ZNF749: variants seen among roughly 807,000 people sequenced by gnomAD.
The protein encoded by ZNF749 is zinc finger protein 749.
Under a neutral mutation model 7.3 loss-of-function variants are expected in ZNF749, and 8 were observed. The observed-to-expected ratio is 1.10, with a 90% CI of 0.64 to 1.98. The LOEUF (loss-of-function observed/expected upper bound fraction) is 1.98, where lower values mean the gene tolerates loss of function less well. ZNF749 is among the 30% of genes most tolerant of loss of function. The pLI is 0.00. For missense variants in ZNF749, 898 were observed against 932.4 expected (o/e 0.96, Z 0.48); for synonymous variants, 310 against 322.4 (o/e 0.96, Z 0.41).
At position 57,439,703 on chromosome 19, in the gene ZNF749, G is replaced by A. The variant is rs989155412; in HGVS notation, c.16-2182G>A. ...GCCTGGGAAGTAAAGGCTGCAGTGA[G>A]CCATGATTGTGCCCCTGCACTCCAG... On this transcript the variant is annotated intron_variant, in intron 1 of 2. Transcript: ENST00000334181. This position sits in a 1 kb window ranked among gnomAD's most constrained non-coding sequence, Gnocchi z 4.3. Among the ~76,000 whole-genome samples the A allele has an allele frequency of 5.9e-5, 9 of 152,204 alleles. No individual in the cohort carries two copies. The highest frequency in any genetic ancestry group is 2.2e-4 in the African/African-American group (9 of 41,456).
At chr19:57,435,277 T>C (rs114254422), upstream of ZNF749, 1,820 of 529,058 alleles carry the variant, frequency 3.4e-3, 33 homozygotes, top group African/African-American at 0.032. Context: ...AGTGTAGCCA[T>C]TGGTCTAGCA....
upstream of ZNF749, among the ~76,000 whole-genome samples, chr19:57,431,910 C>A (rs1377660606): frequency 6.6e-6 from 1 of 152,152 alleles, no homozygotes; most frequent in Non-Finnish European, 1.5e-5. Flanking sequence ...GCAACCTCTG[C>A]CTCCTGGATT....
chr19:57,437,508 G>A (rs562432493), intron 1 of ZNF749, among the ~76,000 whole-genome samples: 201 of 152,078 alleles, frequency 1.3e-3, no homozygotes, highest in Middle Eastern at 3.4e-3. Context: ...GGCGGATCAC[G>A]AGGTCAGGAG....
Position 57,443,826 on chromosome 19 carries a change from C to G in ZNF749, c.678C>G (p.Phe226Leu). 1 of 1,614,138 alleles carries G rather than the reference C, an allele frequency of 6.2e-7. No homozygotes were observed. Among genetic ancestry groups the G allele is most frequent in the Non-Finnish European group, 8.5e-7 (1 of 1,180,028 alleles). ...KTHNGERPYE[F>L]SECGELFRYN... ...ATAATGGGGAGAGGCCTTATGAGTT[C>G]AGTGAATGTGGGGAATTGTTTAGGT... The change falls in exon 3 of 3, where the codon TTC becomes TTG. Residue 226 changes from phenylalanine (F) to leucine (L), a missense_variant. Coordinates refer to ENST00000334181, the MANE Select transcript of ZNF749 (RefSeq NM_001023561.4).
In ZNF749 at chr19:57,443,490, T is replaced by G. The variant is rs552111849; in HGVS notation, c.342T>G (p.Cys114Trp). ...GTHPEQGLYT[C>W]AAEHDLHQKE... ...ACCCTGAGCAAGGGCTGTACACATG[T>G]GCAGCAGAGCATGACCTGCACCAAA... is the stretch of plus-strand genomic sequence containing the variant. The change falls in exon 3 of 3, where the codon TGT (cysteine) becomes TGG (tryptophan). Residue 114 changes from cysteine (C) to tryptophan (W), a missense_variant. Coordinates refer to ENST00000334181, the MANE Select transcript of ZNF749 (RefSeq NM_001023561.4). The G allele has an allele frequency of 9.3e-6, 15 of 1,614,192 alleles. No individual in the cohort carries two copies. The highest frequency in any genetic ancestry group is 1.2e-5 in the Non-Finnish European group (14 of 1,179,996).
At chr19:57,434,820 CAA>C (rs934585224), upstream of ZNF749, among the ~76,000 whole-genome samples, 3 of 151,914 alleles carry the variant, frequency 2.0e-5, no homozygotes, top group Non-Finnish European at 4.4e-5. Context: ...CACTAACGAT[CAA>C]AAAAAAGTCT....
At position 57,442,096 on chromosome 19, in the gene ZNF749, C is replaced by T; in HGVS notation, c.142+85C>T. ...CATGACAACTCTGTCTTTCCCACAC[C>T]AGATTGTGAGTGCTACGTCCTGTCC... On this transcript the variant is annotated intron_variant, in intron 2 of 2. Coordinates refer to ENST00000334181, the MANE Select transcript of ZNF749 (RefSeq NM_001023561.4). This position sits in a 1 kb window ranked among gnomAD's most constrained non-coding sequence, Gnocchi z 6.6. 1 of 1,545,080 alleles carries T rather than the reference C, an allele frequency of 6.5e-7. No individual in the cohort carries two copies. The highest frequency in any genetic ancestry group is 8.8e-7 in the Non-Finnish European group (1 of 1,136,980).
rs1047489847 is a variant in ZNF749, at chr19:57,444,040, T to C, written c.892T>C (p.Tyr298His). ...GGAGATTCTCAGTAGACCAACACCT[T>C]ATGAATGCACCCAGTGTGGGAAGGC... ...HQEILSRPTP[Y>H]ECTQCGKAFL... is the part of the protein sequence containing the mutation. Residue 298 changes from tyrosine to histidine, a missense_variant, in exon 3 of 3, where the codon TAT (tyrosine) becomes CAT (histidine). By Grantham distance (83) the Tyr-to-His change is moderately conservative. Coordinates refer to ENST00000334181, the MANE Select transcript of ZNF749 (RefSeq NM_001023561.4). 1.9e-6 allele frequency: 3 copies of C among 1,613,782 alleles called. No homozygotes were observed. In the African/African-American group the frequency reaches 4.0e-5, roughly 22 times the overall value.
rs1267384068 is a variant in ZNF749 at position 57,436,412 on chromosome 19, G to C, written c.15+819G>C. On this transcript the variant is annotated intron_variant, in intron 1 of 2. Transcript: ENST00000334181. This position sits in a 1 kb window ranked among gnomAD's most constrained non-coding sequence, Gnocchi z 4.0. ...GTTTTTTCATATGGGCTGAGGTAGG[G>C]GAGGGCTCAGATTTGGAGGAAAGAC... is the stretch of plus-strand genomic sequence containing the variant. 6.6e-6 allele frequency among the ~76,000 whole-genome samples: 1 copy of C among 152,140 alleles called. No homozygotes were observed. The highest frequency in any genetic ancestry group is 2.4e-5 in the African/African-American group (1 of 41,440).
chr19:57,434,917 G>A (rs1276804553), upstream of ZNF749, among the ~76,000 whole-genome samples: 1 of 152,216 alleles, frequency 6.6e-6, no homozygotes, highest in African/African-American at 2.4e-5. Flanking sequence ...GGTCAGCCAT[G>A]TCGCTTCTGA....
Position 57,444,067 on chromosome 19 carries a change from TTTC to T in ZNF749, c.922_924del (p.Leu308del), listed in dbSNP as rs761488390. 6 of 1,613,902 alleles carry T rather than the reference TTTC, an allele frequency of 3.7e-6. No homozygotes were observed. In the Admixed American group the frequency reaches 8.3e-5, roughly 22 times the overall value. On this transcript the variant is annotated inframe_deletion, in exon 3 of 3. Transcript: ENST00000334181. Reference sequence around the variant, plus strand: ...TGAATGCACCCAGTGTGGGAAGGCCTTTCTTACACAGGCTCATCTGGTTGGTCA... The same window carrying T: ...TGAATGCACCCAGTGTGGGAAGGCCTTTACACAGGCTCATCTGGTTGGTCA...
rs1406513163 is a variant in ZNF749, at chr19:57,435,547, C to T, written c.-32C>T. The T allele has an allele frequency of 1.2e-6, 2 of 1,600,330 alleles. No homozygotes were observed. Among genetic ancestry groups the T allele is most frequent in the Non-Finnish European group, 1.7e-6 (2 of 1,175,138 alleles). On this transcript the variant is annotated 5_prime_UTR_variant, in exon 1 of 3. Coordinates refer to ENST00000334181, the MANE Select transcript of ZNF749 (RefSeq NM_001023561.4). ...AGGTGACCGCCGTTCCCGCCCCGCT[C>T]TTCCCTGGGTGGACTGGAGGAGGCC...
At chr19:57,430,569 T>C (rs940333910), upstream of ZNF749, among the ~76,000 whole-genome samples, 3 of 152,210 alleles carry the variant, frequency 2.0e-5, no homozygotes, top group African/African-American at 7.2e-5. Context: ...TTTAGAGAAA[T>C]CTTTAGTTGC....
rs560067293 is a variant in ZNF749, at chr19:57,444,938, AC to A, written c.1791del (p.Tyr597Ter). 3.6e-4 allele frequency: 585 copies of A among 1,613,688 alleles called. 6 individuals are homozygous for A. In the South Asian group the frequency reaches 4.1e-3, roughly 11 times the overall value. On this transcript the variant is annotated frameshift_variant, in exon 3 of 3. Coordinates refer to ENST00000334181, the MANE Select transcript of ZNF749 (RefSeq NM_001023561.4). LOFTEE classifies it low-confidence loss of function (END_TRUNC). The stretch of plus-strand genomic sequence containing the variant: ...TGTGGGAAATTCTTTTTGGACAGCT[AC>A]AAACTTGTTATTCATCAGAGAATTC... ...NECGKFFLDS[Y>X]KLVIHQRIHT...
rs2089006393 is a variant in ZNF749 at position 57,442,861 on chromosome 19, TCCA to T, written c.143-426_143-424del. Reference sequence around the variant, plus strand: ...ACCCCTCCTCTCCAGCCTTCATCTCTCCACCATTCTCTTCCACCTCTCCCTTTG... The same window carrying T: ...ACCCCTCCTCTCCAGCCTTCATCTCTCCATTCTCTTCCACCTCTCCCTTTG... On this transcript the variant is annotated intron_variant, in intron 2 of 2. Coordinates refer to ENST00000334181, the MANE Select transcript of ZNF749 (RefSeq NM_001023561.4). The surrounding 1 kb of genome is among the most constrained non-coding windows in gnomAD (Gnocchi z 6.6). Among the ~76,000 whole-genome samples the T allele has an allele frequency of 6.6e-6, 1 of 152,160 alleles. No homozygotes were observed. The highest frequency in any genetic ancestry group is 6.5e-5 in the Admixed American group (1 of 15,278).
chr19:57,429,661 A>AT, the ZNF749 span, among the ~76,000 whole-genome samples: 1 of 151,606 alleles, frequency 6.6e-6, no homozygotes, highest in South Asian at 2.1e-4. The surrounding 1 kb of genome is among the most constrained non-coding windows in gnomAD (Gnocchi z 4.2). Flanking sequence ...TTTATTTTTT[A>AT]TTTTTTGAGG....
At chr19:57,440,730 G>C (rs530024211) in intron 1 of ZNF749, among the ~76,000 whole-genome samples, 5 of 152,080 alleles carry the variant, frequency 3.3e-5, no homozygotes, top group African/African-American at 1.2e-4. Context: ...GCATGAATGC[G>C]TGGTCCCAGC....
chr19:57,432,296 C>T (rs187932036), upstream of ZNF749, among the ~76,000 whole-genome samples: 1 of 149,834 alleles, frequency 6.7e-6, no homozygotes, highest in African/African-American at 2.4e-5. Context: ...AAAAAGGAGG[C>T]GGGGCGCGGT....
chr19:57,441,248 C>T (rs928268278), intron 1 of ZNF749, among the ~76,000 whole-genome samples: 6 of 151,712 alleles, frequency 4.0e-5, no homozygotes, highest in Non-Finnish European at 7.4e-5. Flanking sequence ...GAGAGAAGTG[C>T]GAATGCTACC....
Sources: allele counts gnomAD v4.1 joint callset (sites outside exome capture counted in the v4.1 genomes callset), GRCh38; gene constraint gnomAD v4.1.1; non-coding constraint Gnocchi (gnomAD v3.1); transcripts MANE v1.5; gene names NCBI Gene and HGNC (gene_info 2026-07-23, HGNC 2026-07-21).